The following RREB1 variants were observed in gnomAD, a reference collection of about 807,000 sequenced individuals.
RREB1 encodes ras responsive element binding protein 1.
A neutral mutation model predicts 117.8 loss-of-function variants in RREB1; 27 were observed. The observed-to-expected ratio is 0.23, with a 90% CI of 0.17 to 0.32. The LOEUF (loss-of-function observed/expected upper bound fraction) is 0.32, where lower values mean the gene tolerates loss of function less well. Among genes scored for constraint, RREB1 ranks in the 10% least tolerant of loss-of-function variants. The probability of loss-of-function intolerance (pLI) is 1.00; values close to 1 mark genes in which losing one functional copy is unlikely to be tolerated. For missense variants in RREB1, 2,577 were observed against 2,378.2 expected, an observed-to-expected ratio of 1.08 and a Z score of -1.74; for synonymous variants, 1,298 against 1,026.7, an observed-to-expected ratio of 1.26 and a Z score of -5.05.
intron 8 of RREB1, chr6:7,219,092 C>CAAAAAAAAAAAAAAAAAAAA: frequency 2.5e-5 from 1 of 40,512 alleles, no homozygotes; most frequent in Non-Finnish European, 4.1e-5. Context: ...TACTAAAATA[C>CAAAAAAAAAAAAAAAAAAAA]AAAAAAAAAA....
intron 1 of RREB1, among the ~76,000 whole-genome samples, chr6:7,161,908 A>T (rs1229460344): frequency 6.6e-6 from 1 of 152,166 alleles, no homozygotes; most frequent in Non-Finnish European, 1.5e-5. Context: ...ATCTGCTACC[A>T]AGAGCTTTTT....
chr6:7,176,174 C>T (rs1764489526), intron 1 of RREB1, among the ~76,000 whole-genome samples: 1 of 152,200 alleles, frequency 6.6e-6, no homozygotes, highest in Non-Finnish European at 1.5e-5. Flanking sequence ...GTCTTGGCCT[C>T]CCAAAGTGCG....
At chr6:7,245,585 T>G (rs981819692) in intron 11 of RREB1, among the ~76,000 whole-genome samples, 3 of 152,184 alleles carry the variant, frequency 2.0e-5, no homozygotes, top group Non-Finnish European at 4.4e-5. Context: ...AAAAGGACTG[T>G]TGAAAACTGA....
At chr6:7,240,854 A>G (rs1021160302) in intron 11 of RREB1, among the ~76,000 whole-genome samples, 3 of 152,168 alleles carry the variant, frequency 2.0e-5, no homozygotes, top group Non-Finnish European at 4.4e-5. Context: ...CGGGGCTGCT[A>G]GGGAAGATCT....
chr6:7,126,272 T>G (rs1761918104), intron 1 of RREB1, among the ~76,000 whole-genome samples: 1 of 152,062 alleles, frequency 6.6e-6, no homozygotes, highest in East Asian at 1.9e-4. Context: ...AGTGCTGGGA[T>G]TACAGGCGTG....
In RREB1 at chr6:7,201,444, C is replaced by T. The variant is rs532297565; in HGVS notation, c.426-9360C>T. On this transcript the variant is annotated intron_variant, in intron 6 of 12. Transcript: ENST00000379938. ...GCAAACACTGAAGCGTGCCCACTCA[C>T]TGTCAACCTTTTTCTGATGTGTTAA... Among the ~76,000 whole-genome samples the T allele has an allele frequency of 1.2e-4, 18 of 152,208 alleles. No homozygotes were observed. The South Asian group carries it at 2.5e-3, about 21-fold the overall frequency.
At chr6:7,181,042 A>C in intron 2 of RREB1, 82 bp from the exon 3 acceptor site, 1 of 395,898 alleles carries the variant, frequency 2.5e-6, no homozygotes, top group Non-Finnish European at 4.4e-6. Flanking sequence ...ATAGTGGTCT[A>C]AGATTATAGC....
Position 7,246,598 on chromosome 6 carries a change from G to A in RREB1, c.4148G>A (p.Gly1383Glu), listed in dbSNP as rs1300561708. 5 of 1,557,768 alleles carry A rather than the reference G, an allele frequency of 3.2e-6. No individual in the cohort carries two copies. Among genetic ancestry groups the A allele is most frequent in the South Asian group, 1.2e-5 (1 of 84,542 alleles). ...TASPVHREEH[G>E]RGESHEPEEE... ...TCGCCGGTGCACCGGGAAGAGCACG[G>A]GCGTGGGGAGAGCCATGAGCCGGAG... Residue 1383 changes from glycine (G) to glutamate (E), a missense_variant, in exon 12 of 13, where the codon GGG becomes GAG. Coordinates refer to ENST00000379938, the MANE Select transcript of RREB1 (RefSeq NM_001003699.4).
At chr6:7,211,334 GGACA>G (rs1186176160) in intron 7 of RREB1, among the ~76,000 whole-genome samples, 6 of 134,104 alleles carry the variant, frequency 4.5e-5, no homozygotes, top group African/African-American at 1.1e-4. Context: ...ATGGATGGAT[GGACA>G]GATGGATGGA....
intron 6 of RREB1, among the ~76,000 whole-genome samples, chr6:7,199,713 G>A (rs1472434809): frequency 6.6e-6 from 1 of 151,848 alleles, no homozygotes; most frequent in Non-Finnish European, 1.5e-5. Flanking sequence ...TCCCAGGGTG[G>A]AGTGCAGTGG....
In RREB1 at chr6:7,181,988, G is replaced by C. The variant is rs1179308869; in HGVS notation, c.77G>C (p.Ser26Thr). The change falls in exon 4 of 13, where the codon AGT (serine) becomes ACT (threonine). Residue 26 changes from serine (S) to threonine (T), a missense_variant. Ser to Thr is a moderately conservative substitution (Grantham distance 58). Transcript: ENST00000379938. Reference sequence around the variant, plus strand: ...AACACCATGATGTCGGCGGTCATGAGTGTAGGGAAGGTCACAGAGAATGGC... The same window carrying C: ...AACACCATGATGTCGGCGGTCATGACTGTAGGGAAGGTCACAGAGAATGGC... ...SINTMMSAVM[S>T]VGKVTENGGS... 6.2e-7 allele frequency: 1 copy of C among 1,614,242 alleles called. No homozygotes were observed. The highest frequency in any genetic ancestry group is 1.7e-5 in the Admixed American group (1 of 60,034).
rs1764774040 is a variant in RREB1, at chr6:7,181,150, A to C, written c.-139A>C. ...GTCAACGAGTACTACCAAGAGAAGA[A>C]GACAAGAGGTCAACACAGACTCATT... is the stretch of plus-strand genomic sequence containing the variant. On this transcript the variant is annotated 5_prime_UTR_variant, in exon 3 of 13. Transcript: ENST00000379938. The C allele has an allele frequency of 2.5e-6, 1 of 398,498 alleles. No homozygotes were observed. Among genetic ancestry groups the C allele is most frequent in the African/African-American group, 2.1e-5 (1 of 48,630 alleles). 24.7% of individuals were successfully genotyped at this position (398,498 alleles called of 1,614,324 possible).
At chr6:7,247,763 C>T (rs1769178338) in intron 12 of RREB1, among the ~76,000 whole-genome samples, 1 of 152,254 alleles carries the variant, frequency 6.6e-6, no homozygotes, top group African/African-American at 2.4e-5. Context: ...AGTTCACCCA[C>T]CACCTGCAGG....
In RREB1 at chr6:7,147,902, A is replaced by T. The variant is rs569278940; in HGVS notation, c.-284-28753A>T. Among the ~76,000 whole-genome samples the T allele has an allele frequency of 1.7e-4, 26 of 152,260 alleles. No homozygotes were observed. The South Asian group carries it at 3.9e-3, about 23-fold the overall frequency. On this transcript the variant is annotated intron_variant, in intron 1 of 12. Coordinates refer to ENST00000379938, the MANE Select transcript of RREB1 (RefSeq NM_001003699.4). ...TTTAAGCTGCGTGTATTCATTCCAA[A>T]CTATTATTGGCTTGGTAGACAGTAT...
chr6:7,125,445 TG>T (rs1299855410), intron 1 of RREB1, among the ~76,000 whole-genome samples: 5 of 152,104 alleles, frequency 3.3e-5, no homozygotes, highest in Non-Finnish European at 7.4e-5. Context: ...ATGTGGTTAA[TG>T]GGGGGGCCTC....
intron 4 of RREB1, chr6:7,183,580 C>T (rs1764918434): frequency 6.6e-6 from 1 of 152,174 alleles, no homozygotes; most frequent in South Asian, 2.1e-4. Context: ...GGTTAGGGCC[C>T]TGGAGGATGC....
chr6:7,161,760 T>A (rs1345621617), intron 1 of RREB1, among the ~76,000 whole-genome samples: 2 of 152,234 alleles, frequency 1.3e-5, no homozygotes, highest in East Asian at 3.8e-4. Context: ...CTGCCCTTCA[T>A]TCTCGACGCC....
intron 6 of RREB1, among the ~76,000 whole-genome samples, chr6:7,207,908 T>C (rs1365043163): frequency 2.6e-5 from 4 of 152,176 alleles, no homozygotes; most frequent in African/African-American, 4.8e-5. Flanking sequence ...GTGAGGGAGA[T>C]GGTTTTAACA....
chr6:7,117,153 G>T (rs1225766660), intron 1 of RREB1, among the ~76,000 whole-genome samples: 1 of 152,096 alleles, frequency 6.6e-6, no homozygotes, highest in African/African-American at 2.4e-5. Flanking sequence ...TATACACGTG[G>T]TAATAGTTGA....
Sources: gnomAD v4.1 joint callset for allele counts (sites outside exome capture counted in the v4.1 genomes callset) on GRCh38, gnomAD v4.1.1 for gene constraint, MANE v1.5 for transcripts, NCBI Gene and HGNC (gene_info 2026-07-23, HGNC 2026-07-21) for gene names.